NCK2: variants seen among roughly 807,000 people sequenced by gnomAD.
NCK2 encodes NCK adaptor protein 2.
In NCK2, 16 loss-of-function variants were observed where a neutral mutation model predicts 33.9. The ratio of observed to expected loss-of-function variants is 0.47; its 90% CI spans 0.32 to 0.72. The LOEUF (loss-of-function observed/expected upper bound fraction) is 0.72, where lower values mean the gene tolerates loss of function less well. Ranked by LOEUF, NCK2 falls within the 30% of genes least tolerant of loss-of-function variation. The pLI is 0.03. For synonymous variants in NCK2, 273 were observed against 239.9 expected, an observed-to-expected ratio of 1.14 and a Z score of -1.27; for missense variants, 418 against 537.3, an observed-to-expected ratio of 0.78 and a Z score of 2.19.
At chr2:105,835,384 TACAC>T (rs1330136246) in intron 2 of NCK2, among the ~76,000 whole-genome samples, 1 of 62,940 alleles carries the variant, frequency 1.6e-5, no homozygotes, top group Non-Finnish European at 3.1e-5. Context: ...TACATATATA[TACAC>T]ATATATATAT....
intron 1 of NCK2, among the ~76,000 whole-genome samples, chr2:105,788,712 C>T (rs1400635317): frequency 6.6e-6 from 1 of 152,020 alleles, no homozygotes; most frequent in East Asian, 1.9e-4. Flanking sequence ...TATGCTTTAT[C>T]CATAGAATGC....
chr2:105,758,195 T>C (rs1281758458), intron 1 of NCK2, among the ~76,000 whole-genome samples: 1 of 152,174 alleles, frequency 6.6e-6, no homozygotes, highest in Non-Finnish European at 1.5e-5. Context: ...TTTTTTTTAA[T>C]TGATAATGGC....
chr2:105,814,916 TAAC>T (rs1239495988), intron 1 of NCK2, among the ~76,000 whole-genome samples: 12 of 152,228 alleles, frequency 7.9e-5, no homozygotes, highest in Admixed American at 2.6e-4. Flanking sequence ...GTTAAAATCT[TAAC>T]AACACAACTT....
At chr2:105,769,265 G>GCCCCGCCCCACCCCT (rs1690047098) in intron 1 of NCK2, among the ~76,000 whole-genome samples, 1 of 148,834 alleles carries the variant, frequency 6.7e-6, no homozygotes, top group Non-Finnish European at 1.5e-5. Flanking sequence ...TCAGCCTGCT[G>GCCCCGCCCCACCCCT]CCCCGCCCCA....
At chr2:105,892,429 G>C (rs1188645717) in intron 4 of NCK2, among the ~76,000 whole-genome samples, 2 of 152,168 alleles carry the variant, frequency 1.3e-5, no homozygotes, top group South Asian at 4.1e-4. Context: ...TAACTAAAAC[G>C]CATTTAGCAC....
intron 1 of NCK2, among the ~76,000 whole-genome samples, chr2:105,807,250 C>T (rs1263052202): frequency 6.6e-6 from 1 of 152,162 alleles, no homozygotes; most frequent in Non-Finnish European, 1.5e-5. Flanking sequence ...GGGCCGCCCT[C>T]GCAGACATCA....
intron 1 of NCK2, among the ~76,000 whole-genome samples, chr2:105,764,349 A>G (rs1379799818): frequency 6.6e-6 from 1 of 152,186 alleles, no homozygotes; most frequent in African/African-American, 2.4e-5. Flanking sequence ...TCGAGTGGAA[A>G]TGCTTCCTTC....
chr2:105,785,981 G>C (rs1222492314), intron 1 of NCK2, among the ~76,000 whole-genome samples: 1 of 152,106 alleles, frequency 6.6e-6, no homozygotes, highest in South Asian at 2.1e-4. Flanking sequence ...CCTGTTTTTT[G>C]TGTTTTCGTA....
chr2:105,747,655 G>A (rs1030176501), intron 1 of NCK2, among the ~76,000 whole-genome samples: 7 of 152,184 alleles, frequency 4.6e-5, no homozygotes, highest in Non-Finnish European at 1.0e-4. Flanking sequence ...AAATGAACTG[G>A]AAACTCCCTA....
chr2:105,882,108 G>A, intron 4 of NCK2, 59 bp downstream of exon 4: 6 of 1,442,810 alleles, frequency 4.2e-6, no homozygotes, highest in Non-Finnish European at 5.5e-6. Context: ...TGCGCGGTGG[G>A]TCTGTGTGCC....
At chr2:105,854,259 C>G (rs549662045) in intron 2 of NCK2, among the ~76,000 whole-genome samples, 1 of 152,258 alleles carries the variant, frequency 6.6e-6, no homozygotes, top group South Asian at 2.1e-4. Context: ...AAACTGTGTC[C>G]TACTAAAGGA....
intron 1 of NCK2, among the ~76,000 whole-genome samples, chr2:105,766,011 G>C (rs1264765998): frequency 6.6e-6 from 1 of 152,128 alleles, no homozygotes; most frequent in Non-Finnish European, 1.5e-5. Flanking sequence ...GGTATGACCA[G>C]TTCCTGGTAC....
At chr2:105,891,290 C>T (rs1228465935) in intron 4 of NCK2, among the ~76,000 whole-genome samples, 3 of 150,904 alleles carry the variant, frequency 2.0e-5, no homozygotes, top group Non-Finnish European at 4.4e-5. Context: ...TTTCATAGAA[C>T]TTACTGCCCT....
chr2:105,766,892 G>C (rs560012379), intron 1 of NCK2, among the ~76,000 whole-genome samples: 1 of 152,186 alleles, frequency 6.6e-6, no homozygotes, highest in Non-Finnish European at 1.5e-5. Flanking sequence ...TTAGTAACTG[G>C]CTGGAGGCTT....
rs372490645 is a variant in NCK2 at position 105,770,954 on chromosome 2, G to C, written c.-201+25816G>C. ...TGTTTTTGTTTTGAGACGGAGTCTCGCTCTGTCGCCCAGGCTGGAGTGCAG... is the reference window on the plus strand; with the variant it reads ...TGTTTTTGTTTTGAGACGGAGTCTCCCTCTGTCGCCCAGGCTGGAGTGCAG... On this transcript the variant is annotated intron_variant, in intron 1 of 4. Coordinates refer to ENST00000233154, the MANE Select transcript of NCK2 (RefSeq NM_003581.5). 4.6e-5 allele frequency among the ~76,000 whole-genome samples: 7 copies of C among 151,946 alleles called. No individual in the cohort carries two copies. In the East Asian group the frequency reaches 9.8e-4, roughly 21 times the overall value.
intron 1 of NCK2, among the ~76,000 whole-genome samples, chr2:105,771,246 T>G (rs1690127504): frequency 6.6e-6 from 1 of 151,674 alleles, no homozygotes; most frequent in Non-Finnish European, 1.5e-5. Flanking sequence ...CTATCCCCTT[T>G]TATATTTTCC....
At chr2:105,868,340 AC>A (rs1253984940) in intron 3 of NCK2, among the ~76,000 whole-genome samples, 1 of 151,806 alleles carries the variant, frequency 6.6e-6, no homozygotes, top group Non-Finnish European at 1.5e-5. Context: ...GTCCTCAGTG[AC>A]CCCCACAGCT....
chr2:105,875,833 C>T (rs781626101), intron 3 of NCK2, among the ~76,000 whole-genome samples: 2 of 152,188 alleles, frequency 1.3e-5, no homozygotes, highest in Non-Finnish European at 2.9e-5. Context: ...ACCATCAGAT[C>T]TCTAAGGTTT....
chr2:105,756,835 G>A (rs756551510), intron 1 of NCK2, among the ~76,000 whole-genome samples: 5 of 152,098 alleles, frequency 3.3e-5, no homozygotes, highest in Non-Finnish European at 7.3e-5. Flanking sequence ...ACGGAGTTTC[G>A]CTCTTGTCAC....
Sources: allele counts gnomAD v4.1 joint callset (sites outside exome capture counted in the v4.1 genomes callset), GRCh38; gene constraint gnomAD v4.1.1; transcripts MANE v1.5; gene names NCBI Gene and HGNC (gene_info 2026-07-23, HGNC 2026-07-21).